Variants in NRXN3 observed in about 807,000 individuals in gnomAD.
NRXN3 encodes the protein neurexin III.
In NRXN3, 32 loss-of-function variants were observed where a neutral mutation model predicts 137.6. The observed-to-expected ratio is 0.23, with a 90% CI of 0.18 to 0.31. The LOEUF (loss-of-function observed/expected upper bound fraction) is 0.31. Ranked by LOEUF, NRXN3 falls within the 10% of genes least tolerant of loss-of-function variation. The pLI is 1.00. For missense variants in NRXN3, 1,574 were observed against 2,062.5 expected (o/e 0.76, Z 4.59); for synonymous variants, 798 against 784.5 (o/e 1.02, Z -0.29).
intron 4 of NRXN3, among the ~76,000 whole-genome samples, chr14:78,478,213 GA>G (rs912224462): frequency 2.6e-5 from 4 of 152,032 alleles, no homozygotes; most frequent in Non-Finnish European, 4.4e-5. Flanking sequence ...GATTTGGGGG[GA>G]AAATGGCTTT....
chr14:78,215,287 T>A (rs2063143268), intron 1 of NRXN3, among the ~76,000 whole-genome samples: 1 of 152,100 alleles, frequency 6.6e-6, no homozygotes, highest in Non-Finnish European at 1.5e-5. Context: ...ATCGGCTCTA[T>A]GGAGGAGAGA....
intron 14 of NRXN3, among the ~76,000 whole-genome samples, chr14:78,983,320 G>C (rs257211): frequency 0.16 from 24,801 of 152,158 alleles, 2,638 homozygotes; most frequent in African/African-American, 0.28. Flanking sequence ...ATTGAAGGCA[G>C]TACGCCAAAG....
chr14:78,943,286 A>G (rs2099356697), intron 10 of NRXN3, among the ~76,000 whole-genome samples: 1 of 152,110 alleles, frequency 6.6e-6, no homozygotes, highest in East Asian at 1.9e-4. Flanking sequence ...GAAGAAGACT[A>G]GAAAATGTTC....
chr14:79,406,537 A>G (rs949736560), intron 15 of NRXN3, among the ~76,000 whole-genome samples: 7 of 152,084 alleles, frequency 4.6e-5, no homozygotes, highest in Non-Finnish European at 1.0e-4. Context: ...TCCTAGGCTC[A>G]AGCAATTCAC....
At chr14:79,657,085 T>C (rs1303065830) in intron 16 of NRXN3, among the ~76,000 whole-genome samples, 1 of 145,960 alleles carries the variant, frequency 6.9e-6, no homozygotes, top group Non-Finnish European at 1.5e-5. Context: ...TTTTACATCA[T>C]TGTTTGTAGA....
chr14:78,640,462 A>G (rs1181484122), intron 4 of NRXN3, among the ~76,000 whole-genome samples: 3 of 152,294 alleles, frequency 2.0e-5, no homozygotes, highest in African/African-American at 4.8e-5. Flanking sequence ...AAACAGTTGC[A>G]TGCATTTTCC....
chr14:79,257,372 G>A (rs1597921561), intron 15 of NRXN3, among the ~76,000 whole-genome samples: 1 of 130,944 alleles, frequency 7.6e-6, no homozygotes, highest in Non-Finnish European at 1.6e-5. Context: ...TGGTGGTGGT[G>A]GTGGTGGTGG....
rs1338319542 is a variant in NRXN3, at chr14:79,697,899, A to G, written c.3976A>G (p.Thr1326Ala). The change falls in exon 19 of 21, where the codon ACC becomes GCC. Residue 1326 changes from threonine to alanine, a missense_variant. Around this residue, in one of 5 missense-constraint regions of NRXN3, gnomAD observed 320 missense variants for 387.1 expected, o/e 0.83. Transcript: ENST00000335750. ...VMETTTTMAT[T>A]TTRKNRSTAS... ...GGAAACCACTACTACAATGGCGACT[A>G]CCACAACCCGTAAGAATCGCTCTAC... 1.2e-6 allele frequency: 2 copies of G among 1,612,908 alleles called. No individual in the cohort carries two copies. Among genetic ancestry groups the G allele is most frequent in the Admixed American group, 1.7e-5 (1 of 59,904 alleles).
chr14:79,126,247 C>T (rs976830952), intron 15 of NRXN3, among the ~76,000 whole-genome samples: 1 of 152,066 alleles, frequency 6.6e-6, no homozygotes, highest in South Asian at 2.1e-4. Context: ...CCTATGTATA[C>T]ATGTGCCGTG....
chr14:78,713,835 G>C (rs974060614), intron 7 of NRXN3, among the ~76,000 whole-genome samples: 1 of 152,160 alleles, frequency 6.6e-6, no homozygotes, highest in South Asian at 2.1e-4. Flanking sequence ...ACAACATGGA[G>C]GTAATGTCCC....
At chr14:78,269,483 A>G (rs151176066) in intron 2 of NRXN3, among the ~76,000 whole-genome samples, 53 of 152,296 alleles carry the variant, frequency 3.5e-4, no homozygotes, top group African/African-American at 1.1e-3. Context: ...AAGAGTTTCA[A>G]TTTTGCAAGA....
chr14:79,227,752 T>A (rs1474080056), intron 15 of NRXN3, among the ~76,000 whole-genome samples: 13 of 91,006 alleles, frequency 1.4e-4, no homozygotes, highest in African/African-American at 4.7e-4. Flanking sequence ...CTTCCTTCCT[T>A]CCTTCCTTCC....
chr14:79,457,767 A>G (rs2096276175), intron 15 of NRXN3, among the ~76,000 whole-genome samples: 2 of 152,240 alleles, frequency 1.3e-5, no homozygotes, highest in Admixed American at 1.3e-4. Flanking sequence ...TTTTATGTGT[A>G]TTGTTTTTCC....
At chr14:78,817,230 G>A (rs919174684) in intron 10 of NRXN3, among the ~76,000 whole-genome samples, 1 of 152,170 alleles carries the variant, frequency 6.6e-6, no homozygotes, top group African/African-American at 2.4e-5. Context: ...TCTTTGACAA[G>A]TTGCTTCAAC....
intron 15 of NRXN3, among the ~76,000 whole-genome samples, chr14:79,445,393 T>C (rs1306240130): frequency 6.6e-6 from 1 of 151,828 alleles, no homozygotes; most frequent in Non-Finnish European, 1.5e-5. Flanking sequence ...CTCAATATGA[T>C]TAAGTACCTA....
chr14:79,252,968 C>G (rs2076130166), intron 15 of NRXN3, among the ~76,000 whole-genome samples: 1 of 152,184 alleles, frequency 6.6e-6, no homozygotes. Flanking sequence ...GACTTGAAGA[C>G]TCCCAAGGAA....
At chr14:78,523,816 CA>C (rs56083130) in intron 4 of NRXN3, among the ~76,000 whole-genome samples, 66 of 61,566 alleles carry the variant, frequency 1.1e-3, no homozygotes, top group Middle Eastern at 0.015. Flanking sequence ...GACTCTGTCT[CA>C]AAAAAAAAAA....
intron 15 of NRXN3, among the ~76,000 whole-genome samples, chr14:79,268,961 T>C (rs1318886979): frequency 6.6e-6 from 1 of 152,256 alleles, no homozygotes; most frequent in Non-Finnish European, 1.5e-5. Context: ...TACGTCACAT[T>C]ATTTGATCCC....
At chr14:78,780,665 C>A (rs1030278292) in intron 8 of NRXN3, among the ~76,000 whole-genome samples, 1 of 152,010 alleles carries the variant, frequency 6.6e-6, no homozygotes, top group African/African-American at 2.4e-5. Flanking sequence ...TGACAGATGC[C>A]AAAACCAAAA....
Sources: gnomAD v4.1 joint callset for allele counts (sites outside exome capture counted in the v4.1 genomes callset) on GRCh38, gnomAD v4.1.1 for gene constraint, gnomAD v4.1.1 regional missense constraint, MANE v1.5 for transcripts, NCBI Gene and HGNC (gene_info 2026-07-23, HGNC 2026-07-21) for gene names.